Variants in RBFOX1 observed in about 807,000 individuals in gnomAD.
The protein encoded by RBFOX1 is RNA binding fox-1 homolog 1, also known as RNA binding protein fox-1 homolog 1.
A neutral mutation model predicts 57.7 loss-of-function variants in RBFOX1; 8 were observed. The ratio of observed to expected loss-of-function variants is 0.14; its 90% CI spans 0.08 to 0.25. RBFOX1 has a LOEUF of 0.25. Among genes scored for constraint, RBFOX1 ranks in the 10% least tolerant of loss-of-function variants. The probability of loss-of-function intolerance (pLI) is 1.00; values close to 1 mark genes in which losing one functional copy is unlikely to be tolerated. For missense variants in RBFOX1, 611 were observed against 548.5 expected (o/e 1.11, Z -1.14); for synonymous variants, 326 against 222.4 (o/e 1.47, Z -4.15).
chr16:6,486,155 A>G (rs991037829), intron 2 of RBFOX1, among the ~76,000 whole-genome samples: 2 of 127,814 alleles, frequency 1.6e-5, no homozygotes, highest in Non-Finnish European at 3.1e-5. Flanking sequence ...TTTGGAAAAT[A>G]TATTGTCATA....
intron 3 of RBFOX1, among the ~76,000 whole-genome samples, chr16:6,804,244 T>C (rs1036719326): frequency 6.6e-6 from 1 of 151,672 alleles, no homozygotes; most frequent in Non-Finnish European, 1.5e-5. Flanking sequence ...TCCTGACCTC[T>C]TGATCCGCCC....
rs537155145 is a variant in RBFOX1 at position 7,544,190 on chromosome 16, T to A, written c.270+25801T>A. On this transcript the variant is annotated intron_variant, in intron 5 of 15. Transcript: ENST00000550418. ...GAGTTGCTACATTATATTTCACACC[T>A]CTGTCCTTTGGAGGTGAAAGTTACT... is the stretch of plus-strand genomic sequence containing the variant. 4.6e-5 allele frequency among the ~76,000 whole-genome samples: 7 copies of A among 152,330 alleles called. No homozygotes were observed. The East Asian group carries it at 9.7e-4, about 21-fold the overall frequency.
At chr16:5,398,893 C>T (rs1246880066) in intron 1 of RBFOX1, among the ~76,000 whole-genome samples, 2 of 152,196 alleles carry the variant, frequency 1.3e-5, no homozygotes, top group East Asian at 3.8e-4. Context: ...CCCTATTAAA[C>T]GCTTCATTAC....
intron 3 of RBFOX1, among the ~76,000 whole-genome samples, chr16:5,680,972 T>C (rs2050314037): frequency 6.6e-6 from 1 of 151,870 alleles, no homozygotes; most frequent in African/African-American, 2.4e-5. Context: ...AAAGACCAAC[T>C]TGAGATGTTT....
chr16:7,021,701 A>G (rs945947317), intron 3 of RBFOX1, among the ~76,000 whole-genome samples: 1 of 150,304 alleles, frequency 6.7e-6, no homozygotes, highest in African/African-American at 2.4e-5. Context: ...TGTCCATCAT[A>G]GTATTTACCA....
At chr16:7,356,884 C>A (rs984573357) in intron 4 of RBFOX1, among the ~76,000 whole-genome samples, 6 of 152,098 alleles carry the variant, frequency 3.9e-5, no homozygotes, top group Non-Finnish European at 7.4e-5. Flanking sequence ...AGCTTATAAC[C>A]AAAGCATGGC....
Position 5,599,146 on chromosome 16 carries a change from G to T in RBFOX1, c.503G>T (p.Gly168Val), listed in dbSNP as rs1007165839. The T allele has an allele frequency of 4.7e-6, 3 of 637,080 alleles. No individual in the cohort carries two copies. In the Admixed American group the frequency reaches 6.8e-5, roughly 14 times the overall value. 39.5% of individuals were successfully genotyped at this position (637,080 alleles called of 1,614,324 possible). Residue 168 changes from glycine (G) to valine (V), a missense_variant, in exon 3 of 3, where the codon GGG (glycine) becomes GTG (valine). By Grantham distance (109) the Gly-to-Val change is moderately radical. Transcript: ENST00000585867. ...GCACTTGCACAATTTCTATCACTTG[G>T]GCCGTATTCCCAGCCTCTGGTACAT...
chr16:6,575,644 G>A (rs150867890), intron 2 of RBFOX1, among the ~76,000 whole-genome samples: 14 of 152,172 alleles, frequency 9.2e-5, no homozygotes, highest in Non-Finnish European at 1.6e-4. Context: ...GATCACCTGA[G>A]GTCAGGAATT....
At chr16:6,568,334 T>G (rs2097296359) in intron 2 of RBFOX1, among the ~76,000 whole-genome samples, 1 of 152,132 alleles carries the variant, frequency 6.6e-6, no homozygotes, top group Admixed American at 6.5e-5. Context: ...TTGGCAGGCC[T>G]CAGTTCTTCA....
At chr16:7,692,635 A>G (rs1449418273) in intron 14 of RBFOX1, among the ~76,000 whole-genome samples, 1 of 152,200 alleles carries the variant, frequency 6.6e-6, no homozygotes, top group African/African-American at 2.4e-5. Flanking sequence ...CTGAATTAGA[A>G]CACATAATAT....
chr16:7,385,209 A>G (rs1235288951), intron 4 of RBFOX1, among the ~76,000 whole-genome samples: 1 of 152,212 alleles, frequency 6.6e-6, no homozygotes, highest in East Asian at 1.9e-4. Context: ...AGAGATTTGC[A>G]TTTCACAAAG....
At chr16:5,640,122 T>C (rs1019668490) in intron 3 of RBFOX1, among the ~76,000 whole-genome samples, 7 of 151,966 alleles carry the variant, frequency 4.6e-5, no homozygotes, top group Non-Finnish European at 1.0e-4. Flanking sequence ...AGCTGAGGGG[T>C]AGAAGTGGCC....
At chr16:7,595,402 C>T (rs539303758) in intron 7 of RBFOX1, 147 bp from the exon 8 acceptor site, 14 of 517,462 alleles carry the variant, frequency 2.7e-5, no homozygotes, top group East Asian at 2.0e-4. Context: ...TTGCACATCT[C>T]AGTACTCTTA....
chr16:6,027,252 C>T (rs2095213935), intron 1 of RBFOX1, among the ~76,000 whole-genome samples: 1 of 152,098 alleles, frequency 6.6e-6, no homozygotes. Context: ...TCATGGCAAA[C>T]CCTTTATTAT....
At chr16:7,046,106 A>G (rs1021485775) in intron 3 of RBFOX1, among the ~76,000 whole-genome samples, 1 of 147,318 alleles carries the variant, frequency 6.8e-6, no homozygotes, top group Non-Finnish European at 1.5e-5. Flanking sequence ...TTTGAAAACT[A>G]CAGAAAGCAT....
intron 3 of RBFOX1, among the ~76,000 whole-genome samples, chr16:6,981,464 A>T (rs962871878): frequency 6.6e-6 from 1 of 152,210 alleles, no homozygotes; most frequent in Non-Finnish European, 1.5e-5. Flanking sequence ...CATGGTGTGT[A>T]TAAACCACAG....
chr16:6,215,993 G>A (rs1406647272), intron 1 of RBFOX1, among the ~76,000 whole-genome samples: 1 of 152,132 alleles, frequency 6.6e-6, no homozygotes. Flanking sequence ...CATGGATGGA[G>A]CTGGAGTCCA....
chr16:6,719,443 C>G (rs971349687), intron 3 of RBFOX1, among the ~76,000 whole-genome samples: 3 of 137,928 alleles, frequency 2.2e-5, no homozygotes, highest in Non-Finnish European at 4.5e-5. Flanking sequence ...TCAAAATAAC[C>G]TGTTTTTTTT....
intron 4 of RBFOX1, among the ~76,000 whole-genome samples, chr16:7,403,532 G>C (rs1456934048): frequency 3.3e-5 from 5 of 150,526 alleles, no homozygotes; most frequent in African/African-American, 9.8e-5. Context: ...ATGTCCTCCA[G>C]GTTCACCCAT....
Sources: gnomAD v4.1 joint callset for allele counts (sites outside exome capture counted in the v4.1 genomes callset) on GRCh38, gnomAD v4.1.1 for gene constraint, MANE v1.5 for transcripts, NCBI Gene and HGNC (gene_info 2026-07-23, HGNC 2026-07-21) for gene names.